TMCO4: variants seen among roughly 807,000 people sequenced by gnomAD.
TMCO4 encodes the protein transmembrane and coiled-coil domain-containing protein 4.
In TMCO4, 58 loss-of-function variants were observed where a neutral mutation model predicts 64.7. The ratio of observed to expected loss-of-function variants is 0.90; its 90% CI spans 0.73 to 1.12. The LOEUF (loss-of-function observed/expected upper bound fraction) is 1.12. Among genes scored for constraint, TMCO4 ranks in the 50% most tolerant of loss-of-function variants. The probability of loss-of-function intolerance (pLI) is 0.00; values close to 1 mark genes in which losing one functional copy is unlikely to be tolerated. For synonymous variants in TMCO4, 325 were observed against 346.1 expected (o/e 0.94, Z 0.68); for missense variants, 780 against 825.9 (o/e 0.94, Z 0.68).
At chr1:19,727,302 G>T (rs993843004) in intron 13 of TMCO4, among the ~76,000 whole-genome samples, 3 of 152,190 alleles carry the variant, frequency 2.0e-5, no homozygotes, top group Admixed American at 2.0e-4. Flanking sequence ...CTTGAACCTG[G>T]CATGAAAGAG....
rs367775665 is a variant in TMCO4, at chr1:19,784,881, A to G, written c.-9+2145T>C. Among the ~76,000 whole-genome samples, 274 of 152,076 alleles carry G rather than the reference A, an allele frequency of 1.8e-3. 2 individuals are homozygous for G. In the East Asian group the frequency reaches 0.02, roughly 11 times the overall value. ...AAAAAAAAAAAAAATTTCGCAAGACAACCTCATAATGTTTTAAGAAAGTCT... is the reference window on the plus strand; with the variant it reads ...AAAAAAAAAAAAAATTTCGCAAGACGACCTCATAATGTTTTAAGAAAGTCT... On this transcript the variant is annotated intron_variant, in intron 3 of 15. Transcript: ENST00000294543.
intron 4 of TMCO4, 104 bp from the exon 5 acceptor site, chr1:19,771,586 C>A (rs41312010): frequency 0.12 from 134,527 of 1,089,298 alleles, 9,000 homozygotes; most frequent in Middle Eastern, 0.14. Flanking sequence ...TGGCACGTGC[C>A]TGACTTACTG....
chr1:19,783,440 A>C (rs1251395453), intron 3 of TMCO4, among the ~76,000 whole-genome samples: 3 of 152,218 alleles, frequency 2.0e-5, no homozygotes, highest in Non-Finnish European at 4.4e-5. Flanking sequence ...CTGAGCAATA[A>C]AAATTTTTGT....
intron 3 of TMCO4, among the ~76,000 whole-genome samples, chr1:19,781,390 C>T (rs2043467621): frequency 6.6e-6 from 1 of 151,424 alleles, no homozygotes; most frequent in Admixed American, 6.6e-5. Flanking sequence ...TTGCTTAAGC[C>T]TAGGAGTTTA....
chr1:19,785,358 T>C (rs942550038), intron 3 of TMCO4, among the ~76,000 whole-genome samples: 1 of 152,226 alleles, frequency 6.6e-6, no homozygotes, highest in Non-Finnish European at 1.5e-5. Context: ...AAAATAATGT[T>C]TTTTTGTTTG....
At chr1:19,740,976 T>A in intron 10 of TMCO4, 35 bp from the exon 11 acceptor site, 1 of 1,561,188 alleles carries the variant, frequency 6.4e-7, no homozygotes, top group Non-Finnish European at 8.7e-7. Context: ...GTCTCTCTTG[T>A]CTATGGCAGA....
intron 13 of TMCO4, among the ~76,000 whole-genome samples, chr1:19,735,622 C>G (rs1168320825): frequency 6.6e-6 from 1 of 152,150 alleles, no homozygotes; most frequent in East Asian, 1.9e-4. Context: ...CTGGGGACAG[C>G]TGAGAGTCGA....
intron 9 of TMCO4, 125 bp from the exon 10 acceptor site, chr1:19,745,776 A>C: frequency 3.8e-6 from 5 of 1,311,896 alleles, no homozygotes; most frequent in Non-Finnish European, 5.2e-6. Context: ...CTGGAAAAAC[A>C]CATTTTGTGT....
intron 13 of TMCO4, among the ~76,000 whole-genome samples, chr1:19,725,264 T>C (rs568987146): frequency 1.3e-5 from 2 of 152,282 alleles, no homozygotes; most frequent in African/African-American, 4.8e-5. Flanking sequence ...CAGCGTGTCT[T>C]GTCAACTGCA....
chr1:19,715,632 C>T (rs919456790), intron 13 of TMCO4, among the ~76,000 whole-genome samples: 15 of 152,228 alleles, frequency 9.9e-5, no homozygotes, highest in African/African-American at 3.6e-4. Context: ...AAGTTCTGCA[C>T]GAGCCCTCAA....
chr1:19,773,764 G>A (rs190161456), intron 4 of TMCO4, among the ~76,000 whole-genome samples: 6 of 152,232 alleles, frequency 3.9e-5, no homozygotes, highest in South Asian at 2.1e-4. Flanking sequence ...ATAAAGGGCC[G>A]AAAGTGAGCC....
At chr1:19,753,763 C>T (rs193043770) in intron 7 of TMCO4, among the ~76,000 whole-genome samples, 3 of 152,306 alleles carry the variant, frequency 2.0e-5, no homozygotes, top group Admixed American at 2.0e-4. Context: ...GTTGCTATGG[C>T]TTCCCTGGGT....
At chr1:19,702,013 A>G (rs1418369904) in intron 13 of TMCO4, among the ~76,000 whole-genome samples, 3 of 152,090 alleles carry the variant, frequency 2.0e-5, no homozygotes, top group Non-Finnish European at 4.4e-5. Flanking sequence ...TCTGTAGCCC[A>G]GGCTGGAGTG....
At chr1:19,777,458 G>T (rs2043260367) in intron 4 of TMCO4, among the ~76,000 whole-genome samples, 2 of 149,320 alleles carry the variant, frequency 1.3e-5, no homozygotes, top group African/African-American at 2.5e-5. Flanking sequence ...AGTGATTCTT[G>T]TGCCTCATCC....
chr1:19,750,179 T>C lies in TMCO4; in HGVS notation c.516-2919A>G, dbSNP rs569222250. On this transcript the variant is annotated intron_variant, in intron 7 of 15. Transcript: ENST00000294543. ...CTGGAGATATACTTTGACCCTGAAC[T>C]GCCTTGACCCTTAATTGATAACTCT... The C allele has an allele frequency of 2.6e-5, 4 of 152,380 alleles. No individual in the cohort carries two copies. The East Asian group carries it at 7.7e-4, about 29-fold the overall frequency. The allele number at this position is 152,380 out of a possible 1,614,324, so 9.4% of individuals were successfully genotyped here. A position where few individuals can be genotyped will look rare whatever the true frequency, so the allele number is the denominator to read the frequency against.
At chr1:19,793,237 T>G (rs542483850) in intron 2 of TMCO4, among the ~76,000 whole-genome samples, 2 of 152,180 alleles carry the variant, frequency 1.3e-5, no homozygotes, top group South Asian at 4.2e-4. Context: ...TAAATGATTC[T>G]GCAGTGCAAT....
intron 13 of TMCO4, among the ~76,000 whole-genome samples, chr1:19,722,258 G>A (rs1009073106): frequency 1.3e-5 from 2 of 152,106 alleles, no homozygotes; most frequent in Non-Finnish European, 2.9e-5. Context: ...ATGAAATGAG[G>A]CCCAGCATAT....
intron 13 of TMCO4, among the ~76,000 whole-genome samples, chr1:19,736,898 G>C (rs1361762533): frequency 6.6e-6 from 1 of 152,136 alleles, no homozygotes; most frequent in Non-Finnish European, 1.5e-5. Context: ...GATGAGAGTG[G>C]GCCCTAAATC....
chr1:19,798,941 A>G (rs1325861625), intron 1 of TMCO4, among the ~76,000 whole-genome samples: 1 of 152,266 alleles, frequency 6.6e-6, no homozygotes, highest in Non-Finnish European at 1.5e-5. Context: ...AGTTAGGAAA[A>G]AGGGGGCTCA....
Sources: allele counts gnomAD v4.1 joint callset (sites outside exome capture counted in the v4.1 genomes callset), GRCh38; gene constraint gnomAD v4.1.1; transcripts MANE v1.5; gene names NCBI Gene and HGNC (gene_info 2026-07-23, HGNC 2026-07-21).